Variants in CADPS observed in about 807,000 individuals in gnomAD.
CADPS encodes the protein calcium dependent secretion activator.
In CADPS, 57 loss-of-function variants were observed where a neutral mutation model predicts 167.3. The ratio of observed to expected loss-of-function variants is 0.34; its 90% CI spans 0.28 to 0.42. The LOEUF is 0.42. Among genes scored for constraint, CADPS ranks in the 20% least tolerant of loss-of-function variants. The probability of loss-of-function intolerance (pLI) is 1.00; values close to 1 mark genes in which losing one functional copy is unlikely to be tolerated. For synonymous variants in CADPS, 676 were observed against 635.3 expected, an observed-to-expected ratio of 1.06 and a Z score of -0.96; for missense variants, 1,414 against 1,738.1, an observed-to-expected ratio of 0.81 and a Z score of 3.32.
At chr3:62,512,642 C>T (rs1478253957) in intron 17 of CADPS, 109 bp downstream of exon 17, 1 of 713,726 alleles carries the variant, frequency 1.4e-6, no homozygotes, top group Non-Finnish European at 2.3e-6. Flanking sequence ...TGCAACTCCA[C>T]ATGGCTCTCT....
intron 17 of CADPS, among the ~76,000 whole-genome samples, chr3:62,509,870 A>T (rs190867747): frequency 6.6e-6 from 1 of 152,308 alleles, no homozygotes; most frequent in Non-Finnish European, 1.5e-5. Context: ...TGGTAGAAAG[A>T]GACAAAAATG....
intron 8 of CADPS, among the ~76,000 whole-genome samples, chr3:62,584,430 T>A (rs1016463431): frequency 6.6e-6 from 1 of 152,244 alleles, no homozygotes; most frequent in Non-Finnish European, 1.5e-5. Flanking sequence ...GATAGCCAGT[T>A]GGCAGCGTAC....
At chr3:62,518,545 C>T (rs1317797720) in intron 13 of CADPS, among the ~76,000 whole-genome samples, 2 of 152,148 alleles carry the variant, frequency 1.3e-5, no homozygotes, top group East Asian at 1.9e-4. Flanking sequence ...TGGCTCACAG[C>T]GTCTTAAGAA....
chr3:62,483,864 C>T (rs2062398513), intron 21 of CADPS, among the ~76,000 whole-genome samples: 1 of 151,970 alleles, frequency 6.6e-6, no homozygotes, highest in South Asian at 2.1e-4. Flanking sequence ...GATACACACA[C>T]TGAATAATGA....
intron 6 of CADPS, among the ~76,000 whole-genome samples, chr3:62,624,056 G>A (rs1370098107): frequency 3.3e-5 from 5 of 151,952 alleles, no homozygotes; most frequent in East Asian, 1.9e-4. Context: ...CTTCTAGAAC[G>A]TTTTAAAGTC....
intron 1 of CADPS, among the ~76,000 whole-genome samples, chr3:62,787,073 C>T (rs867549824): frequency 1.1e-4 from 17 of 152,226 alleles, no homozygotes; most frequent in Middle Eastern, 3.4e-3. Context: ...GCAGGAGGAT[C>T]GCTTGATCTC....
At chr3:62,692,250 G>A (rs2079282072) in intron 3 of CADPS, among the ~76,000 whole-genome samples, 1 of 151,552 alleles carries the variant, frequency 6.6e-6, no homozygotes, top group Non-Finnish European at 1.5e-5. Context: ...AATTTCAAAA[G>A]GATGAAGTGC....
Position 62,583,370 on chromosome 3 carries a change from G to A in CADPS, c.1577+1815C>T, listed in dbSNP as rs114828160. Among the ~76,000 whole-genome samples, 413 of 152,228 alleles carry A rather than the reference G, an allele frequency of 2.7e-3. 2 individuals carry two copies. The highest frequency in any genetic ancestry group is 0.014 in the Middle Eastern group (4 of 294). The stretch of plus-strand genomic sequence containing the variant: ...CATCACAGAGGGGGAAGACATATTA[G>A]GGAGAAATTCCACGAATATTGTCAG... On this transcript the variant is annotated intron_variant, in intron 8 of 29. Coordinates refer to ENST00000383710, the MANE Select transcript of CADPS (RefSeq NM_003716.4).
rs1232373714 is a variant in CADPS, at chr3:62,420,848, G to A, written c.3777+17256C>T. Reference sequence around the variant, plus strand: ...ATGACTCTATTTTTTTTCTCTTTATGGGAGGGAGAACGAACACACACACAC... The same window carrying A: ...ATGACTCTATTTTTTTTCTCTTTATAGGAGGGAGAACGAACACACACACAC... On this transcript the variant is annotated intron_variant, in intron 28 of 29. Transcript: ENST00000383710. The surrounding 1 kb of genome is among the most constrained non-coding windows in gnomAD (Gnocchi z 4.1). Among the ~76,000 whole-genome samples, 1 of 146,874 alleles carries A rather than the reference G, an allele frequency of 6.8e-6. No homozygotes were observed. Among genetic ancestry groups the A allele is most frequent in the East Asian group, 2.0e-4 (1 of 4,906 alleles).
chr3:62,757,532 ATGTC>A (rs1325516470), intron 2 of CADPS, among the ~76,000 whole-genome samples: 5 of 152,156 alleles, frequency 3.3e-5, no homozygotes, highest in Admixed American at 2.6e-4. Context: ...GAGCGAGACT[ATGTC>A]TGGATTGGGG....
intron 3 of CADPS, among the ~76,000 whole-genome samples, chr3:62,743,005 A>T (rs1254988643): frequency 6.6e-6 from 1 of 152,228 alleles, no homozygotes; most frequent in Admixed American, 6.5e-5. Context: ...ACATGCAGCC[A>T]ACAATCATAT....
chr3:62,673,674 A>G (rs997823077), intron 3 of CADPS, among the ~76,000 whole-genome samples: 2 of 152,222 alleles, frequency 1.3e-5, no homozygotes, highest in African/African-American at 4.8e-5. Flanking sequence ...TATTTAAATA[A>G]TTATTTTCAT....
At chr3:62,768,364 G>A (rs1174718649) in intron 1 of CADPS, among the ~76,000 whole-genome samples, 2 of 152,144 alleles carry the variant, frequency 1.3e-5, no homozygotes, top group Admixed American at 6.6e-5. Context: ...GATTTTGGGA[G>A]TGGGGTGGGA....
At chr3:62,485,661 T>C (rs1240850846) in intron 21 of CADPS, among the ~76,000 whole-genome samples, 1 of 152,130 alleles carries the variant, frequency 6.6e-6, no homozygotes, top group African/African-American at 2.4e-5. Flanking sequence ...CATTACATCC[T>C]TATCATTTTC....
intron 28 of CADPS, among the ~76,000 whole-genome samples, chr3:62,432,073 C>T (rs758464334): frequency 2.6e-5 from 4 of 151,796 alleles, no homozygotes; most frequent in Non-Finnish European, 5.9e-5. Flanking sequence ...CCTGAAGTTC[C>T]GAAGGTTAAT....
At chr3:62,871,701 C>G (rs186574928) in intron 1 of CADPS, among the ~76,000 whole-genome samples, 136 of 152,028 alleles carry the variant, frequency 8.9e-4, no homozygotes, top group African/African-American at 2.0e-3. Flanking sequence ...GATTTAAGAA[C>G]AGAAAAAAAT....
At position 62,789,855 on chromosome 3, in the gene CADPS, C is replaced by T. The variant is rs1036089974; in HGVS notation, c.442-23871G>A. Among the ~76,000 whole-genome samples the T allele has an allele frequency of 2.6e-5, 4 of 152,034 alleles. No homozygotes were observed. The South Asian group carries it at 6.2e-4, about 24-fold the overall frequency. ...ATTATGTGCTAGGCTCTCAGCCAAG[C>T]CCTTAACATAGTTTTTCCTGCTCTC... On this transcript the variant is annotated intron_variant, in intron 1 of 29. Coordinates refer to ENST00000383710, the MANE Select transcript of CADPS (RefSeq NM_003716.4).
At chr3:62,872,839 G>C (rs949513707) in intron 1 of CADPS, among the ~76,000 whole-genome samples, 2 of 152,150 alleles carry the variant, frequency 1.3e-5, no homozygotes, top group African/African-American at 4.8e-5. Context: ...AACACTTAAA[G>C]TCACAGTTTT....
intron 6 of CADPS, among the ~76,000 whole-genome samples, chr3:62,616,132 C>T (rs950504257): frequency 1.3e-5 from 2 of 152,114 alleles, no homozygotes; most frequent in South Asian, 2.1e-4. Flanking sequence ...CATCAATCAT[C>T]GAAGAAAATT....
Sources: allele counts gnomAD v4.1 joint callset (sites outside exome capture counted in the v4.1 genomes callset), GRCh38; gene constraint gnomAD v4.1.1; non-coding constraint Gnocchi (gnomAD v3.1); transcripts MANE v1.5; gene names NCBI Gene and HGNC (gene_info 2026-07-23, HGNC 2026-07-21).